FSTL4: variants seen among roughly 807,000 people sequenced by gnomAD.
The protein encoded by FSTL4 is follistatin like 4.
A neutral mutation model predicts 78.2 loss-of-function variants in FSTL4; 28 were observed. That is an observed-to-expected ratio of 0.36 (90% CI 0.27 to 0.49). The LOEUF (loss-of-function observed/expected upper bound fraction) is 0.49. Ranked by LOEUF, FSTL4 falls within the 20% of genes least tolerant of loss-of-function variation. The pLI is 0.98. For missense variants in FSTL4, 922 were observed against 1,084.9 expected, an observed-to-expected ratio of 0.85 and a Z score of 2.11; for synonymous variants, 422 against 440.5, an observed-to-expected ratio of 0.96 and a Z score of 0.53.
chr5:133,740,610 C>T, the FSTL4 span, among the ~76,000 whole-genome samples: 98 of 152,256 alleles, frequency 6.4e-4, 1 homozygote, highest in South Asian at 4.2e-3. Context: ...AAAGCACTCA[C>T]GCAGCAGCCA....
chr5:133,410,420 C>T (rs998566338), intron 3 of FSTL4, among the ~76,000 whole-genome samples: 7 of 152,208 alleles, frequency 4.6e-5, no homozygotes, highest in Non-Finnish European at 7.3e-5. Flanking sequence ...TGCACCGTCT[C>T]GCTGATGCGC....
At chr5:133,802,652 C>T in the FSTL4 span, among the ~76,000 whole-genome samples, 2 of 152,144 alleles carry the variant, frequency 1.3e-5, no homozygotes, top group East Asian at 1.9e-4. Flanking sequence ...AGAGCACCAT[C>T]ATCCCAGCCC....
intron 4 of FSTL4, among the ~76,000 whole-genome samples, chr5:133,363,233 T>C (rs1200314550): frequency 6.6e-6 from 1 of 152,002 alleles, no homozygotes; most frequent in Non-Finnish European, 1.5e-5. Flanking sequence ...AAGCATGTGG[T>C]GGGGGGCAGC....
intron 8 of FSTL4, among the ~76,000 whole-genome samples, chr5:133,231,863 C>G (rs1296068107): frequency 6.6e-6 from 1 of 152,194 alleles, no homozygotes; most frequent in Non-Finnish European, 1.5e-5. Context: ...ATTTGAAAAT[C>G]TTCAAGTGAA....
intron 3 of FSTL4, among the ~76,000 whole-genome samples, chr5:133,404,368 C>T (rs114700922): frequency 0.01 from 1,566 of 152,316 alleles, 28 homozygotes; most frequent in African/African-American, 0.036. Context: ...CTACCAGCAA[C>T]TGCCTATAGT....
the FSTL4 span, among the ~76,000 whole-genome samples, chr5:133,663,651 G>A: frequency 6.6e-6 from 1 of 152,246 alleles, no homozygotes; most frequent in African/African-American, 2.4e-5. Flanking sequence ...TGATGTAGGA[G>A]TGAGATTCAA....
At chr5:133,380,010 G>C (rs1184624978) in intron 4 of FSTL4, among the ~76,000 whole-genome samples, 1 of 151,932 alleles carries the variant, frequency 6.6e-6, no homozygotes, top group East Asian at 1.9e-4. Flanking sequence ...GAGAGACAGA[G>C]GTTGCAGTGA....
chr5:133,786,383 C>G, the FSTL4 span, among the ~76,000 whole-genome samples: 1 of 152,176 alleles, frequency 6.6e-6, no homozygotes, highest in South Asian at 2.1e-4. Context: ...ATTTATGCCC[C>G]TTATGCACTT....
chr5:133,540,617 G>A (rs1759445731), intron 3 of FSTL4, among the ~76,000 whole-genome samples: 1 of 150,734 alleles, frequency 6.6e-6, no homozygotes, highest in African/African-American at 2.4e-5. Context: ...TTGAGAGGCT[G>A]GAAATGGAAC....
chr5:133,446,739 GC>G (rs1757272781), intron 3 of FSTL4, among the ~76,000 whole-genome samples: 1 of 152,174 alleles, frequency 6.6e-6, no homozygotes, highest in Non-Finnish European at 1.5e-5. Flanking sequence ...TTCAGCACAG[GC>G]CCCTAAGAGG....
At chr5:133,646,990 C>T in the FSTL4 span, among the ~76,000 whole-genome samples, 1 of 152,098 alleles carries the variant, frequency 6.6e-6, no homozygotes, top group Non-Finnish European at 1.5e-5. Context: ...CACTCTAGCA[C>T]CACAAAAACA....
At chr5:133,240,451 T>C (rs1430796008) in intron 7 of FSTL4, among the ~76,000 whole-genome samples, 1 of 152,296 alleles carries the variant, frequency 6.6e-6, no homozygotes, top group East Asian at 1.9e-4. Flanking sequence ...CTGCATTCAG[T>C]GTGAGCAACC....
the FSTL4 span, among the ~76,000 whole-genome samples, chr5:133,719,005 T>C: frequency 3.3e-5 from 5 of 152,362 alleles, no homozygotes; most frequent in East Asian, 9.6e-4. Context: ...ATGATAGATA[T>C]AAAAATATTT....
At chr5:133,777,258 G>A in the FSTL4 span, among the ~76,000 whole-genome samples, 1 of 152,002 alleles carries the variant, frequency 6.6e-6, no homozygotes, top group African/African-American at 2.4e-5. Context: ...AGCATAGAAA[G>A]TTTTTATGAC....
intron 4 of FSTL4, among the ~76,000 whole-genome samples, chr5:133,356,455 AT>A: frequency 6.6e-6 from 1 of 152,274 alleles, no homozygotes; most frequent in African/African-American, 2.4e-5. Context: ...GAGAGTTTTG[AT>A]GGCCAGGGCC....
intron 4 of FSTL4, among the ~76,000 whole-genome samples, chr5:133,396,944 C>T (rs1049900553): frequency 2.6e-5 from 4 of 152,174 alleles, no homozygotes; most frequent in Non-Finnish European, 5.9e-5. Context: ...CACCTGCAAC[C>T]GCCCGCAGGC....
At chr5:133,373,758 G>C (rs756400610) in intron 4 of FSTL4, among the ~76,000 whole-genome samples, 1 of 152,156 alleles carries the variant, frequency 6.6e-6, no homozygotes, top group East Asian at 1.9e-4. Context: ...CCCTGGGTGG[G>C]GCACTAAGAT....
intron 3 of FSTL4, among the ~76,000 whole-genome samples, chr5:133,469,425 C>T (rs1428650858): frequency 6.6e-6 from 1 of 152,164 alleles, no homozygotes; most frequent in Non-Finnish European, 1.5e-5. Context: ...TGACAGATGA[C>T]CCAGTTTTCC....
intron 3 of FSTL4, among the ~76,000 whole-genome samples, chr5:133,454,903 G>A (rs1230527890): frequency 6.6e-6 from 1 of 152,190 alleles, no homozygotes; most frequent in Non-Finnish European, 1.5e-5. Flanking sequence ...GTCTCCTCAT[G>A]GCATTTCATT....
Sources: allele counts gnomAD v4.1 joint callset (sites outside exome capture counted in the v4.1 genomes callset), GRCh38; gene constraint gnomAD v4.1.1; transcripts MANE v1.5; gene names NCBI Gene and HGNC (gene_info 2026-07-23, HGNC 2026-07-21).